Variants in MXRA5 observed in about 807,000 individuals in gnomAD.
The protein encoded by MXRA5 is matrix remodeling associated 5.
MXRA5 carries 41 observed loss-of-function variants against 112.5 expected under a neutral mutation model. The ratio of observed to expected loss-of-function variants is 0.36; its 90% CI spans 0.28 to 0.47. The LOEUF (loss-of-function observed/expected upper bound fraction) is 0.47, where lower values mean the gene tolerates loss of function less well. Ranked by LOEUF, MXRA5 falls within the 20% of genes least tolerant of loss-of-function variation. MXRA5 has a pLI of 0.99. For missense variants in MXRA5, 2,150 were observed against 2,251.0 expected, an observed-to-expected ratio of 0.96 and a Z score of 0.91; for synonymous variants, 862 against 900.8, an observed-to-expected ratio of 0.96 and a Z score of 0.77.
At chrX:3,335,454 C>T (rs186323781) in intron 2 of MXRA5, among the ~76,000 whole-genome samples, 47 of 112,665 alleles carry the variant, frequency 4.2e-4, no homozygotes, top group Admixed American at 1.1e-3. Flanking sequence ...GCCTCGGCCT[C>T]CCAAAGTGCT....
intron 6 of MXRA5, 32 bp downstream of exon 6, chrX:3,317,071 C>T: frequency 9.0e-7 from 1 of 1,108,531 alleles, no homozygotes; most frequent in Non-Finnish European, 1.2e-6. Context: ...ACCAGCCCAG[C>T]GATTTACAGG....
rs779238626 is a variant in MXRA5, at chrX:3,320,794, T to C, written c.4891A>G (p.Arg1631Gly). 6.6e-6 allele frequency: 8 copies of C among 1,212,124 alleles called. No individual in the cohort carries two copies. The South Asian group carries it at 1.2e-4, about 19-fold the overall frequency. ...GGTGACTGGGAAGTTACAAAGTATC[T>C]GGAAGCGCTTTGTGTGGACATTTCA... Reference protein sequence around the residue: ...LPEMSTQSASRYFVTSQSPRH... With the variant: ...LPEMSTQSASGYFVTSQSPRH... Residue 1631 changes from arginine (R) to glycine (G), a missense_variant, in exon 5 of 7, where the codon AGA (arginine) becomes GGA (glycine). Physicochemically the swap from Arg to Gly is moderately radical, Grantham distance 125 (BLOSUM62 -2). Around this residue, in one of 6 missense-constraint regions of MXRA5, gnomAD observed 1,485 missense variants for 1,471.6 expected, o/e 1.01. Transcript: ENST00000217939.
Position 3,322,212 on chromosome X carries a change from C to T in MXRA5, c.3473G>A (p.Arg1158His), listed in dbSNP as rs112514198. The T allele has an allele frequency of 3.7e-5, 44 of 1,188,062 alleles. 1 individual carries two copies. Among genetic ancestry groups the T allele is most frequent in the Admixed American group, 2.5e-4 (11 of 43,702 alleles). ...GTGCCGGTGGCGGAATTTGTTGGGG[C>T]GTAATCTCCTTCTCCCGTTGGGTCT... ...RRRPNGRRRL[R>H]PNKFRHRHKQ... Residue 1158 changes from arginine to histidine, a missense_variant, in exon 5 of 7, where the codon CGC (arginine) becomes CAC (histidine). Arg to His is a conservative substitution (Grantham distance 29). Around this residue, in one of 6 missense-constraint regions of MXRA5, gnomAD observed 1,485 missense variants for 1,471.6 expected, o/e 1.01. Transcript: ENST00000217939.
chrX:3,322,392 G>A lies in MXRA5; in HGVS notation c.3293C>T (p.Ser1098Phe). ...CATACTGCTCATTATACCCAGTGTG[G>A]AGTCAGGCAAAGTGATGGATTTGCT... ...QESKSITLPD[S>F]TLGIMSSMSP... Residue 1098 changes from serine to phenylalanine, a missense_variant, in exon 5 of 7, where the codon TCC becomes TTC. By Grantham distance (155) the Ser-to-Phe change is radical. Transcript: ENST00000217939. The A allele has an allele frequency of 8.3e-7, 1 of 1,211,680 alleles. No individual in the cohort carries two copies. Among genetic ancestry groups the A allele is most frequent in the Non-Finnish European group, 1.1e-6 (1 of 895,462 alleles).
chrX:3,343,631 G>A lies in MXRA5; in HGVS notation c.188+15C>T, dbSNP rs1482627516. On this transcript the variant is annotated intron_variant, in intron 2 of 6. Coordinates refer to ENST00000217939, the MANE Select transcript of MXRA5 (RefSeq NM_015419.4). ...CACTGACAGTGGGAAGGTTCGGGAA[G>A]AAAGTGGTACAAACCCCAAATTGAT... The A allele has an allele frequency of 8.3e-7, 1 of 1,203,761 alleles. No homozygotes were observed. Among genetic ancestry groups the A allele is most frequent in the Admixed American group, 2.2e-5 (1 of 45,877 alleles).
chrX:3,324,855 T>C lies in MXRA5; in HGVS notation c.830A>G (p.Lys277Arg). The C allele has an allele frequency of 8.3e-7, 1 of 1,211,889 alleles. No individual in the cohort carries two copies. Among genetic ancestry groups the C allele is most frequent in the Non-Finnish European group, 1.1e-6 (1 of 895,571 alleles). The change falls in exon 5 of 7, where the codon AAG becomes AGG. Residue 277 changes from lysine to arginine, a missense_variant. By Grantham distance (26) the Lys-to-Arg change is conservative. Transcript: ENST00000217939. ...TCTCAGAGGGGACTCTATTGAAGGC[T>C]TCAGACAAGTCATGTCCTTCAGCTT... ...IHKLKDMTCL[K>R]PSIESPLRQN...
rs1429075646 is a variant in MXRA5 at position 3,311,282 on chromosome X, C to G, written c.6921G>C (p.Gly2307=). 8.3e-7 allele frequency: 1 copy of G among 1,210,199 alleles called. No individual in the cohort carries two copies. Among genetic ancestry groups the G allele is most frequent in the African/African-American group, 1.7e-5 (1 of 57,200 alleles). Residue 2307 remains glycine (G), a synonymous_variant, in exon 7 of 7, where the codon GGG becomes GGC. Transcript: ENST00000217939. ...TCCCCACTTCGTTAAAGTAGAGTGT[C>G]CCATTGTTGAAGACGACATAGCGCT... ...RTKRYVVFNN[G]TLYFNEVGMR... is the part of the protein sequence containing the mutation.
intron 2 of MXRA5, among the ~76,000 whole-genome samples, chrX:3,342,993 G>A (rs1922024011): frequency 8.9e-6 from 1 of 112,040 alleles, no homozygotes; most frequent in Admixed American, 9.5e-5. Flanking sequence ...TTTTGTTGAC[G>A]AACTCCAAAT....
chrX:3,320,675 T>G lies in MXRA5; in HGVS notation c.5010A>C (p.Thr1670=). The G allele has an allele frequency of 8.3e-7, 1 of 1,211,913 alleles. No homozygotes were observed. Among genetic ancestry groups the G allele is most frequent in the Non-Finnish European group, 1.1e-6 (1 of 895,442 alleles). ...KQFTTPRLSS[T]TIPLPLHMSK... ...ACATGTGCAATGGGAGAGGAATTGT[T>G]GTACTTGATAATCTTGGAGTTGTAA... The change falls in exon 5 of 7, where the codon ACA becomes ACC. Residue 1670 remains threonine (T), a synonymous_variant. Transcript: ENST00000217939.
intron 2 of MXRA5, among the ~76,000 whole-genome samples, chrX:3,333,302 C>CAAAAAAAAAAAAAAAAAAAAA (rs386416494): frequency 2.7e-4 from 4 of 14,807 alleles, no homozygotes; most frequent in African/African-American, 9.6e-4. Context: ...TACCCCATAT[C>CAAAAAAAAAAAAAAAAAAAAA]AAAAAAAAAA....
At position 3,317,146 on chromosome X, in the gene MXRA5, G is replaced by A. The variant is rs1320716988; in HGVS notation, c.6535C>T (p.Leu2179Phe). Residue 2179 changes from leucine (L) to phenylalanine (F), a missense_variant, in exon 6 of 7, where the codon CTC (leucine) becomes TTC (phenylalanine). By Grantham distance (22) the Leu-to-Phe change is conservative (BLOSUM62 0). This residue lies in a region of MXRA5 where 1,485 missense variants were observed against 1,471.6 expected (regional missense o/e 1.01). Transcript: ENST00000217939. Reference sequence around the variant, plus strand: ...ATCCTCTTGGACGGCAGCCTCCAGAGGATGCGCGGCCAGGGGTCCCCCGAG... The same window carrying A: ...ATCCTCTTGGACGGCAGCCTCCAGAAGATGCGCGGCCAGGGGTCCCCCGAG... ...SASGDPWPRI[L>F]WRLPSKRMID... 1 of 1,196,987 alleles carries A rather than the reference G, an allele frequency of 8.4e-7. No individual in the cohort carries two copies. The highest frequency in any genetic ancestry group is 1.8e-5 in the South Asian group (1 of 54,429).
rs1920962220 is a variant in MXRA5 at position 3,308,779 on chromosome X, A to C, written c.*937T>G. ...GGGAAGACTCTAGATTCAATTCTGT[A>C]AAGTTATGATGCAGTTTTCTCCTTC... On this transcript the variant is annotated 3_prime_UTR_variant, in exon 7 of 7. Transcript: ENST00000217939. 9.0e-6 allele frequency: 1 copy of C among 110,967 alleles called. No individual in the cohort carries two copies. The highest frequency in any genetic ancestry group is 3.3e-5 in the African/African-American group (1 of 30,478). The allele number at this position is 110,967 out of a possible 1,213,427, so 9.1% of individuals were successfully genotyped here. A position where few individuals can be genotyped will look rare whatever the true frequency, so the allele number is the denominator to read the frequency against.
intron 2 of MXRA5, among the ~76,000 whole-genome samples, chrX:3,340,165 A>G (rs1223158524): frequency 8.9e-6 from 1 of 112,092 alleles, no homozygotes; most frequent in African/African-American, 3.2e-5. Context: ...AGTTTGTCCA[A>G]GCAGGAAACA....
intron 4 of MXRA5, among the ~76,000 whole-genome samples, chrX:3,329,559 C>A (rs1271653618): frequency 8.9e-6 from 1 of 111,802 alleles, no homozygotes; most frequent in Non-Finnish European, 1.9e-5. Flanking sequence ...CTCTCTAGAT[C>A]AATAGTGAGA....
At position 3,346,567 on chromosome X, in the gene MXRA5, G is replaced by C; in HGVS notation, c.-81C>G. 2.0e-5 allele frequency: 15 copies of C among 754,717 alleles called. No homozygotes were observed. The highest frequency in any genetic ancestry group is 2.3e-5 in the Non-Finnish European group (15 of 639,322). The allele number at this position is 754,717 out of a possible 1,213,427, so 62.2% of individuals were successfully genotyped here. On this transcript the variant is annotated 5_prime_UTR_variant, in exon 1 of 7. Coordinates refer to ENST00000217939, the MANE Select transcript of MXRA5 (RefSeq NM_015419.4). ...GAGCGGTGCGCCGGGAGCATCCACC[G>C]AGCCGGGGCGCGCGAGTCACGGCCG... is the stretch of plus-strand genomic sequence containing the variant.
chrX:3,343,135 A>G (rs181287246), intron 2 of MXRA5, among the ~76,000 whole-genome samples: 14 of 112,941 alleles, frequency 1.2e-4, no homozygotes, highest in African/African-American at 4.5e-4. Context: ...ACATCAAAAT[A>G]GGTTTTTAAA....
Position 3,320,326 on chromosome X carries a change from G to A in MXRA5, c.5359C>T (p.Pro1787Ser). 8.3e-7 allele frequency: 1 copy of A among 1,211,992 alleles called. No homozygotes were observed. Among genetic ancestry groups the A allele is most frequent in the Non-Finnish European group, 1.1e-6 (1 of 895,544 alleles). ...GTCTGCGGAGTGTGCAACAACGGAG[G>A]TGCCGGAGGGCCAAAGTCCAGATGG... is the stretch of plus-strand genomic sequence containing the variant. ...TFHLDFGPPA[P>S]PLLHTPQTTG... Residue 1787 changes from proline to serine, a missense_variant, in exon 5 of 7, where the codon CCT becomes TCT. Around this residue, in one of 6 missense-constraint regions of MXRA5, gnomAD observed 1,485 missense variants for 1,471.6 expected, o/e 1.01. Transcript: ENST00000217939.
chrX:3,338,073 C>G (rs1422936221), intron 2 of MXRA5, among the ~76,000 whole-genome samples: 1 of 111,273 alleles, frequency 9.0e-6, no homozygotes, highest in Non-Finnish European at 1.9e-5. Context: ...GGCCAACCGA[C>G]CAATGGAATA....
Position 3,308,717 on chromosome X carries a change from C to A in MXRA5, c.*999G>T, listed in dbSNP as rs943003547. 1 of 111,810 alleles carries A rather than the reference C, an allele frequency of 8.9e-6. No individual in the cohort carries two copies. The highest frequency in any genetic ancestry group is 1.9e-5 in the Non-Finnish European group (1 of 53,219). 9.2% of individuals were successfully genotyped at this position (111,810 alleles called of 1,213,427 possible). ...AAGCAGCCACCTTAGACCAGATGGA[C>A]AAGCCAGATACTGCAGAGAAGTTTC... On this transcript the variant is annotated 3_prime_UTR_variant, in exon 7 of 7. Transcript: ENST00000217939.
Sources: gnomAD v4.1 joint callset for allele counts (sites outside exome capture counted in the v4.1 genomes callset) on GRCh38, gnomAD v4.1.1 for gene constraint, gnomAD v4.1.1 regional missense constraint, MANE v1.5 for transcripts, NCBI Gene and HGNC (gene_info 2026-07-23, HGNC 2026-07-21) for gene names.